FAM227B: variants seen among roughly 807,000 people sequenced by gnomAD.
FAM227B encodes family with sequence similarity 227 member B, also known as protein FAM227B.
In FAM227B, 88 loss-of-function variants were observed where a neutral mutation model predicts 73.8. The observed-to-expected ratio is 1.19, with a 90% CI of 1.00 to 1.42. FAM227B has a LOEUF of 1.42. Among genes scored for constraint, FAM227B ranks in the 40% most tolerant of loss-of-function variants. FAM227B has a pLI of 0.00. For missense variants in FAM227B, 632 were observed against 590.9 expected (o/e 1.07, Z -0.72); for synonymous variants, 210 against 190.5 (o/e 1.10, Z -0.84).
rs1181778739 is a variant in FAM227B at position 49,568,314 on chromosome 15, A to G, written c.678T>C (p.Asp226=). Residue 226 remains aspartate (D), a synonymous_variant, in exon 9 of 16, where the codon GAT becomes GAC. Transcript: ENST00000299338. ...GTGTCACATAACTTTCTGAAATTCT[A>G]TCGAATAAGCAATCTTGGTTTTCTC... ...PDRENQDCLF[D]RISESYVTLF... is the part of the protein sequence containing the mutation. 1 of 1,611,470 alleles carries G rather than the reference A, an allele frequency of 6.2e-7. No individual in the cohort carries two copies.
chr15:49,503,345 C>G (rs2058306482), intron 11 of FAM227B, among the ~76,000 whole-genome samples: 1 of 152,168 alleles, frequency 6.6e-6, no homozygotes, highest in African/African-American at 2.4e-5. Flanking sequence ...TAGGCAATAT[C>G]ATTCAGGACA....
intron 3 of FAM227B, among the ~76,000 whole-genome samples, chr15:49,591,837 T>A (rs2076598461): frequency 6.6e-6 from 1 of 152,150 alleles, no homozygotes; most frequent in South Asian, 2.1e-4. Context: ...TGTATACACA[T>A]GCACACACAC....
chr15:49,338,878 G>A (rs187352031), intron 13 of FAM227B, among the ~76,000 whole-genome samples: 69 of 152,104 alleles, frequency 4.5e-4, no homozygotes, highest in African/African-American at 1.6e-3. Context: ...TCATTGAGTT[G>A]ATTTTCAGTC....
chr15:49,486,395 G>C (rs1440334133), intron 11 of FAM227B: 2 of 151,948 alleles, frequency 1.3e-5, no homozygotes, highest in African/African-American at 4.8e-5. Flanking sequence ...TTGAGGTCAG[G>C]CTTCAGTAAC....
intron 11 of FAM227B, among the ~76,000 whole-genome samples, chr15:49,378,052 G>A (rs573727352): frequency 2.6e-5 from 4 of 152,234 alleles, no homozygotes; most frequent in Non-Finnish European, 4.4e-5. Flanking sequence ...AAGAGATAGC[G>A]GTGTAGTTTC....
At chr15:49,525,421 A>C (rs1464352895) in intron 10 of FAM227B, among the ~76,000 whole-genome samples, 14 of 151,852 alleles carry the variant, frequency 9.2e-5, no homozygotes, top group Admixed American at 9.2e-4. Flanking sequence ...CATTAAACTT[A>C]AGTACATTAA....
In FAM227B at chr15:49,457,117, T is replaced by C. The variant is rs557760974; in HGVS notation, c.1012+51094A>G. Among the ~76,000 whole-genome samples the C allele has an allele frequency of 2.6e-5, 4 of 152,192 alleles. 1 individual carries two copies. In the South Asian group the frequency reaches 8.3e-4, roughly 32 times the overall value. ...ACTCCATAATTTACAGCAAGACGTT[T>C]GGGTTTCATTTCATGAACAGTAGAG... On this transcript the variant is annotated intron_variant, in intron 11 of 15. Coordinates refer to ENST00000299338, the MANE Select transcript of FAM227B (RefSeq NM_152647.3).
In FAM227B at chr15:49,489,805, A is replaced by ATATATATATATATATTT. The variant is rs1353182037; in HGVS notation, c.1012+18389_1012+18405dup. Among the ~76,000 whole-genome samples, 17 of 46,826 alleles carry ATATATATATATATATTT rather than the reference A, an allele frequency of 3.6e-4. 1 individual carries two copies. Among genetic ancestry groups the ATATATATATATATATTT allele is most frequent in the African/African-American group, 1.4e-3 (16 of 11,158 alleles). The allele number at this position is 46,826 out of a possible 152,430, so 30.7% of individuals were successfully genotyped here. ...AACAGGAGATATATATATATATTTT[A>ATATATATATATATATTT]TATATATATATATATTTTATATATA... On this transcript the variant is annotated intron_variant, in intron 11 of 15. Coordinates refer to ENST00000299338, the MANE Select transcript of FAM227B (RefSeq NM_152647.3).
chr15:49,428,708 A>G (rs2050336849), intron 11 of FAM227B, among the ~76,000 whole-genome samples: 1 of 152,014 alleles, frequency 6.6e-6, no homozygotes, highest in African/African-American at 2.4e-5. Context: ...TCCAATTACT[A>G]AAAAGTTGTG....
intron 10 of FAM227B, among the ~76,000 whole-genome samples, chr15:49,519,521 A>G (rs189318549): frequency 1.1e-3 from 165 of 152,248 alleles, no homozygotes; most frequent in Non-Finnish European, 2.1e-3. Flanking sequence ...CCAAACCCCA[A>G]TGCTTAACTT....
chr15:49,516,430 G>C (rs1036987777), intron 10 of FAM227B, among the ~76,000 whole-genome samples: 1 of 151,832 alleles, frequency 6.6e-6, no homozygotes, highest in African/African-American at 2.4e-5. Context: ...TCCCCTCTCT[G>C]CTTGGTGGCT....
chr15:49,488,475 C>T (rs1055216914), intron 11 of FAM227B: 3 of 151,928 alleles, frequency 2.0e-5, no homozygotes, highest in Non-Finnish European at 4.4e-5. Context: ...CCAATAACAT[C>T]TGATTTCTCC....
intron 14 of FAM227B, among the ~76,000 whole-genome samples, chr15:49,332,087 C>CCACACA (rs377139081): frequency 0.011 from 1,410 of 127,978 alleles, 11 homozygotes; most frequent in African/African-American, 0.014. Flanking sequence ...TGCACACGTG[C>CCACACA]CACACACACA....
chr15:49,332,425 G>A (rs1319198168), intron 14 of FAM227B, among the ~76,000 whole-genome samples: 1 of 152,120 alleles, frequency 6.6e-6, no homozygotes, highest in African/African-American at 2.4e-5. Flanking sequence ...TTGTGAGCAG[G>A]GATCCAGGAA....
chr15:49,339,196 A>G (rs8039064), intron 13 of FAM227B, among the ~76,000 whole-genome samples: 144,851 of 152,180 alleles, frequency 0.95, 69,003 homozygotes, highest in African/African-American at 0.98. Flanking sequence ...GTGATTCTTT[A>G]GCAGAGAAGA....
chr15:49,382,978 A>T (rs1258013765), intron 11 of FAM227B, among the ~76,000 whole-genome samples: 1 of 152,140 alleles, frequency 6.6e-6, no homozygotes, highest in Non-Finnish European at 1.5e-5. Flanking sequence ...TAGAAATGTA[A>T]ATCGGTTCAT....
intron 11 of FAM227B, among the ~76,000 whole-genome samples, chr15:49,472,877 C>T (rs866969798): frequency 1.3e-5 from 2 of 151,586 alleles, no homozygotes; most frequent in African/African-American, 4.8e-5. Context: ...TTGCTAATGA[C>T]AAATAAGAGA....
chr15:49,563,203 G>A (rs2074391975), intron 9 of FAM227B, among the ~76,000 whole-genome samples: 1 of 152,006 alleles, frequency 6.6e-6, no homozygotes, highest in African/African-American at 2.4e-5. Context: ...CACCTATAAT[G>A]TTAAAGCTGA....
rs1224751738 is a variant in FAM227B at position 49,489,803 on chromosome 15, TTATATATATATATATATTTTA to T, written c.1012+18387_1012+18407del. ...AGAACAGGAGATATATATATATATTTTATATATATATATATATTTTATATATATATATATATTTTATATATA... is the reference window on the plus strand; with the variant it reads ...AGAACAGGAGATATATATATATATTTTATATATATATATATTTTATATATA... On this transcript the variant is annotated intron_variant, in intron 11 of 15. Transcript: ENST00000299338. 3.5e-3 allele frequency among the ~76,000 whole-genome samples: 202 copies of T among 57,298 alleles called. 19 individuals carry two copies. The highest frequency in any genetic ancestry group is 5.3e-3 in the Non-Finnish European group (145 of 27,262). 37.6% of individuals were successfully genotyped at this position (57,298 alleles called of 152,430 possible).
Sources: gnomAD v4.1 joint callset for allele counts (sites outside exome capture counted in the v4.1 genomes callset) on GRCh38, gnomAD v4.1.1 for gene constraint, MANE v1.5 for transcripts, NCBI Gene and HGNC (gene_info 2026-07-23, HGNC 2026-07-21) for gene names.